Variants in SGK1 observed in about 807,000 individuals in gnomAD.
SGK1 encodes serine/threonine-protein kinase Sgk1.
Under a neutral mutation model 64.2 loss-of-function variants are expected in SGK1, and 26 were observed. That is an observed-to-expected ratio of 0.40 (90% CI 0.30 to 0.56). The LOEUF (loss-of-function observed/expected upper bound fraction) is 0.56. Among genes scored for constraint, SGK1 ranks in the 20% least tolerant of loss-of-function variants. The pLI is 0.38. For synonymous variants in SGK1, 265 were observed against 239.7 expected (o/e 1.11, Z -0.98); for missense variants, 519 against 645.6 (o/e 0.80, Z 2.12).
At chr6:134,296,787 A>C (rs1777355144) in intron 1 of SGK1, among the ~76,000 whole-genome samples, 1 of 151,602 alleles carries the variant, frequency 6.6e-6, no homozygotes, top group South Asian at 2.1e-4. Context: ...AAAAAAAAAA[A>C]AAAAAAAAAA....
chr6:134,188,612 G>A (rs146440843), intron 3 of SGK1, among the ~76,000 whole-genome samples: 1 of 152,254 alleles, frequency 6.6e-6, no homozygotes, highest in East Asian at 1.9e-4. Context: ...ACCTCACACA[G>A]AGACATGAAA....
Position 134,311,794 on chromosome 6 carries a change from C to T in SGK1, c.69+5598G>A, listed in dbSNP as rs77672811. 1.5e-3 allele frequency among the ~76,000 whole-genome samples: 232 copies of T among 152,276 alleles called. 1 individual carries two copies. The highest frequency in any genetic ancestry group is 5.3e-3 in the African/African-American group (219 of 41,558). On this transcript the variant is annotated intron_variant, in intron 1 of 13. Transcript: ENST00000367858. ...GGAACTCAAACAGCTTAGATTTTAG[C>T]CATTCCGAAGAAAGCACAGTAGCAG... is the stretch of plus-strand genomic sequence containing the variant.
rs1436521243 is a variant in SGK1 at position 134,169,540 on chromosome 6, G to A, written c.*728C>T. 6.6e-6 allele frequency: 1 copy of A among 151,796 alleles called. No individual in the cohort carries two copies. The highest frequency in any genetic ancestry group is 1.9e-4 in the East Asian group (1 of 5,170). The allele number at this position is 151,796 out of a possible 1,614,324, so 9.4% of individuals were successfully genotyped here. A position where few individuals can be genotyped will look rare whatever the true frequency, so the allele number is the denominator to read the frequency against. On this transcript the variant is annotated 3_prime_UTR_variant, in exon 14 of 14. Coordinates refer to ENST00000367858, the MANE Select transcript of SGK1 (RefSeq NM_001143676.3). ...ATTTTAAACAATGAAAAACACCAAC[G>A]GCTCTGACTGACAACTGGGGCATTG...
chr6:134,195,852 G>GA (rs1286887247), intron 3 of SGK1, among the ~76,000 whole-genome samples: 1 of 152,104 alleles, frequency 6.6e-6, no homozygotes, highest in African/African-American at 2.4e-5. Flanking sequence ...TGGTTCAGCA[G>GA]AAAAAACAAG....
intron 1 of SGK1, among the ~76,000 whole-genome samples, chr6:134,267,172 AT>A (rs558476294): frequency 2.5e-3 from 372 of 150,670 alleles, no homozygotes; most frequent in African/African-American, 8.2e-3. Flanking sequence ...ACAAAATAAA[AT>A]TTTTTTTAAA....
intron 2 of SGK1, among the ~76,000 whole-genome samples, chr6:134,250,010 C>T (rs1240788570): frequency 6.6e-6 from 1 of 152,184 alleles, no homozygotes; most frequent in Non-Finnish European, 1.5e-5. Context: ...CTATCTGCTA[C>T]TCATCAAACC....
chr6:134,170,272 AG>A lies in SGK1; in HGVS notation c.1576del (p.Leu526SerfsTer5). On this transcript the variant is annotated frameshift_variant, in exon 14 of 14. Transcript: ENST00000367858. LOFTEE classifies it high-confidence loss of function. Reference sequence around the variant, plus strand: ...AAAACCAAGCCCTAACAGGGTTCAGAGGAAAGAGTCCGTGGGAGGCGCATAG... The same window carrying A: ...AAAACCAAGCCCTAACAGGGTTCAGAGAAAGAGTCCGTGGGAGGCGCATAG... The part of the protein sequence containing the change: ...FSYAPPTDSF[L>X] 1 of 1,611,014 alleles carries A rather than the reference AG, an allele frequency of 6.2e-7. No homozygotes were observed. The highest frequency in any genetic ancestry group is 1.3e-5 in the African/African-American group (1 of 74,984).
At chr6:134,219,700 C>T (rs1420688429) in intron 2 of SGK1, among the ~76,000 whole-genome samples, 13 of 142,862 alleles carry the variant, frequency 9.1e-5, no homozygotes, top group Non-Finnish European at 1.8e-4. Context: ...GCAGAGGTTG[C>T]GGTGAGCTGA....
At chr6:134,171,893 C>G in intron 10 of SGK1, 161 bp from the exon 11 acceptor site, 2 of 629,724 alleles carry the variant, frequency 3.2e-6, no homozygotes. Context: ...TTGAGGGTGA[C>G]TGGCTACCTA....
intron 1 of SGK1, among the ~76,000 whole-genome samples, chr6:134,282,304 T>A (rs192488310): frequency 1.2e-4 from 19 of 152,104 alleles, no homozygotes; most frequent in Non-Finnish European, 2.2e-4. Flanking sequence ...GATAGAACAG[T>A]GAAGGAGATT....
chr6:134,279,077 A>G (rs1023740631), intron 1 of SGK1, among the ~76,000 whole-genome samples: 5 of 152,302 alleles, frequency 3.3e-5, no homozygotes, highest in African/African-American at 9.6e-5. Flanking sequence ...ATGTGGTGGC[A>G]TGCACCTGGA....
chr6:134,292,979 T>C (rs80158853), intron 1 of SGK1, among the ~76,000 whole-genome samples: 6,949 of 152,260 alleles, frequency 0.046, 407 homozygotes, highest in East Asian at 0.25. Flanking sequence ...ATTCCCTAAA[T>C]CGTATATCAT....
At chr6:134,262,954 G>A (rs1776790472) in intron 1 of SGK1, among the ~76,000 whole-genome samples, 1 of 151,356 alleles carries the variant, frequency 6.6e-6, no homozygotes, top group Non-Finnish European at 1.5e-5. Flanking sequence ...ACAGGTATAA[G>A]TCACTGTGCC....
chr6:134,264,515 C>T (rs781471324), intron 1 of SGK1, among the ~76,000 whole-genome samples: 1 of 152,270 alleles, frequency 6.6e-6, no homozygotes, highest in East Asian at 1.9e-4. Flanking sequence ...CACTTTCATG[C>T]TCTTCAAAAC....
rs1033588661 is a variant in SGK1, at chr6:134,170,426, T to A, written c.1423A>T (p.Asn475Tyr). 4 of 1,612,270 alleles carry A rather than the reference T, an allele frequency of 2.5e-6. No homozygotes were observed. In the African/African-American group the frequency reaches 5.3e-5, roughly 22 times the overall value. ...TCGGGGTCAAAGTGCCGTAGGTCGTTGGGCCCACTCTGTGACGGGAAGGGA... is the reference window on the plus strand; with the variant it reads ...TCGGGGTCAAAGTGCCGTAGGTCGTAGGGCCCACTCTGTGACGGGAAGGGA... ...PPFNPNVSGP[N>Y]DLRHFDPEFT... The change falls in exon 14 of 14, where the codon AAC becomes TAC. Residue 475 changes from asparagine (N) to tyrosine (Y), a missense_variant. Coordinates refer to ENST00000367858, the MANE Select transcript of SGK1 (RefSeq NM_001143676.3).
intron 2 of SGK1, among the ~76,000 whole-genome samples, chr6:134,226,979 C>T (rs1448035229): frequency 6.6e-6 from 1 of 152,220 alleles, no homozygotes; most frequent in East Asian, 1.9e-4. Context: ...GGAGCCACCT[C>T]ACTCAGCCCC....
intron 3 of SGK1, chr6:134,177,590 A>C: frequency 8.6e-7 from 1 of 1,162,544 alleles, no homozygotes. Context: ...ACCCCACCTT[A>C]TGTGCCTTCC....
intron 2 of SGK1, among the ~76,000 whole-genome samples, chr6:134,254,356 G>C (rs965631483): frequency 2.0e-5 from 3 of 152,034 alleles, no homozygotes; most frequent in African/African-American, 7.2e-5. Flanking sequence ...AGTGCTGTGG[G>C]AGCATAAATA....
At chr6:134,172,366 T>A in intron 9 of SGK1, 50 bp from the exon 10 acceptor site, 1 of 1,550,094 alleles carries the variant, frequency 6.5e-7, no homozygotes, top group Non-Finnish European at 8.9e-7. Flanking sequence ...TTTCACTTCA[T>A]AAGATATCCT....
Sources: allele counts gnomAD v4.1 joint callset (sites outside exome capture counted in the v4.1 genomes callset), GRCh38; gene constraint gnomAD v4.1.1; transcripts MANE v1.5; gene names NCBI Gene and HGNC (gene_info 2026-07-23, HGNC 2026-07-21).